Variants in OR2L13 observed in about 807,000 individuals in gnomAD.
OR2L13 encodes olfactory receptor family 2 subfamily L member 13.
OR2L13 carries 14 observed loss-of-function variants against 15.3 expected under a neutral mutation model. The observed-to-expected ratio is 0.91, with a 90% CI of 0.60 to 1.43. The LOEUF is 1.43. OR2L13 is among the 40% of genes most tolerant of loss of function. The pLI, the probability that OR2L13 is intolerant of heterozygous loss-of-function variation, is 0.00. For synonymous variants in OR2L13, 152 were observed against 142.9 expected (o/e 1.06, Z -0.45); for missense variants, 367 against 387.9 (o/e 0.95, Z 0.45).
chr1:247,958,763 A>T, the OR2L13 span, among the ~76,000 whole-genome samples: 4 of 151,448 alleles, frequency 2.6e-5, no homozygotes, highest in Non-Finnish European at 5.9e-5. Flanking sequence ...TAGGATTGCA[A>T]CCCCTGCCTT....
chr1:248,032,283 T>G, the OR2L13 span, among the ~76,000 whole-genome samples: 1 of 152,160 alleles, frequency 6.6e-6, no homozygotes, highest in South Asian at 2.1e-4. Flanking sequence ...TTCAGTATAT[T>G]TAAATGTTTT....
At chr1:247,965,882 G>T in the OR2L13 span, 18 of 1,613,598 alleles carry the variant, frequency 1.1e-5, no homozygotes, top group African/African-American at 2.3e-4. Context: ...CTTCCATTCT[G>T]TAGGTCTCGG....
At chr1:247,950,790 A>G in the OR2L13 span, among the ~76,000 whole-genome samples, 1 of 152,272 alleles carries the variant, frequency 6.6e-6, no homozygotes, top group Non-Finnish European at 1.5e-5. Context: ...GGGGACGGTT[A>G]ATGGTTGTAA....
the OR2L13 span, among the ~76,000 whole-genome samples, chr1:247,988,240 C>T: frequency 0.079 from 11,917 of 151,692 alleles, 558 homozygotes; most frequent in East Asian, 0.18. Flanking sequence ...TCTAATATTT[C>T]TCTCTCTTCT....
the OR2L13 span, chr1:247,990,226 A>G: frequency 5.6e-6 from 4 of 715,486 alleles, no homozygotes; most frequent in Non-Finnish European, 1.0e-5. Flanking sequence ...TACTTCACTT[A>G]CCCTTGTGTC....
chr1:248,086,594 A>T, the OR2L13 span, among the ~76,000 whole-genome samples: 109 of 152,076 alleles, frequency 7.2e-4, no homozygotes, highest in Admixed American at 3.6e-3. Flanking sequence ...TCATTTTTGA[A>T]TAAAGGATTT....
chr1:248,100,356 T>C, exon 3 of OR2L13: 1 of 1,238,096 alleles, frequency 8.1e-7, no homozygotes, highest in South Asian at 1.3e-5. Flanking sequence ...TCTTTCCAAG[T>C]TGATTCCAAC....
chr1:247,999,998 A>G, the OR2L13 span, among the ~76,000 whole-genome samples: 1 of 152,146 alleles, frequency 6.6e-6, no homozygotes, highest in Non-Finnish European at 1.5e-5. Flanking sequence ...GGAAAATCCC[A>G]TAATGAGTGT....
At chr1:247,984,787 A>G in the OR2L13 span, among the ~76,000 whole-genome samples, 570 of 149,002 alleles carry the variant, frequency 3.8e-3, 4 homozygotes, top group African/African-American at 0.013. Context: ...CGGTGGCACT[A>G]AGTACATTTA....
At chr1:247,941,882 G>A in the OR2L13 span, among the ~76,000 whole-genome samples, 1 of 152,140 alleles carries the variant, frequency 6.6e-6, no homozygotes, top group Non-Finnish European at 1.5e-5. Context: ...GTGGCATGGA[G>A]CCTTCCTAGT....
the OR2L13 span, among the ~76,000 whole-genome samples, chr1:247,959,232 G>A: frequency 2.6e-5 from 4 of 151,958 alleles, no homozygotes; most frequent in African/African-American, 9.7e-5. Flanking sequence ...GAAATTCTGG[G>A]TTGAAAATTC....
At chr1:247,990,350 T>C in the OR2L13 span, 2 of 1,521,370 alleles carry the variant, frequency 1.3e-6, no homozygotes, top group African/African-American at 2.7e-5. Context: ...TCATCTTCAT[T>C]CTCATTAATT....
chr1:248,065,095 T>G, the OR2L13 span, among the ~76,000 whole-genome samples: 2 of 152,234 alleles, frequency 1.3e-5, no homozygotes, highest in African/African-American at 4.8e-5. Flanking sequence ...TTTTGAAAGT[T>G]GGACAATAAT....
At chr1:248,094,275 A>T (rs1362628174), upstream of OR2L13, among the ~76,000 whole-genome samples, 1 of 152,182 alleles carries the variant, frequency 6.6e-6, no homozygotes, top group African/African-American at 2.4e-5. Flanking sequence ...CATTATTTCT[A>T]ATTTCTGACA....
the OR2L13 span, among the ~76,000 whole-genome samples, chr1:248,007,324 T>C: frequency 5.9e-5 from 9 of 152,216 alleles, no homozygotes; most frequent in South Asian, 2.1e-4. Context: ...TCAGTGAATA[T>C]TGAGCCTTCC....
the OR2L13 span, chr1:247,937,479 C>T: frequency 6.4e-6 from 1 of 156,216 alleles, no homozygotes; most frequent in Admixed American, 6.5e-5. Flanking sequence ...ATCAGCAGCT[C>T]AGGGATGGGG....
the OR2L13 span, among the ~76,000 whole-genome samples, chr1:247,967,582 T>C: frequency 6.6e-6 from 1 of 152,200 alleles, no homozygotes; most frequent in African/African-American, 2.4e-5. Context: ...ATTGATACTA[T>C]TGATGTTTTT....
chr1:247,960,601 C>A, the OR2L13 span, among the ~76,000 whole-genome samples: 2 of 152,176 alleles, frequency 1.3e-5, no homozygotes, highest in African/African-American at 4.8e-5. Flanking sequence ...GTTCGAGCCT[C>A]CTGGCTGCTT....
the OR2L13 span, chr1:247,949,931 A>T: frequency 3.4e-6 from 2 of 585,264 alleles, no homozygotes; most frequent in Non-Finnish European, 5.4e-6. Context: ...TGATATATGG[A>T]CAAAATTGTT....
Sources: allele counts gnomAD v4.1 joint callset (sites outside exome capture counted in the v4.1 genomes callset), GRCh38; gene constraint gnomAD v4.1.1; transcripts MANE v1.5; gene names NCBI Gene and HGNC (gene_info 2026-07-23, HGNC 2026-07-21).